LIN9: variants seen among roughly 807,000 people sequenced by gnomAD.
The protein encoded by LIN9 is protein lin-9 homolog.
Under a neutral mutation model 78.0 loss-of-function variants are expected in LIN9, and 18 were observed. The ratio of observed to expected loss-of-function variants is 0.23; its 90% confidence interval spans 0.16 to 0.34. LIN9 has a LOEUF of 0.34. LIN9 is among the 10% of genes least tolerant of loss of function. The pLI is 1.00. For synonymous variants in LIN9, 192 were observed against 215.2 expected (o/e 0.89, Z 0.94); for missense variants, 451 against 644.1 (o/e 0.70, Z 3.25).
intron 10 of LIN9, among the ~76,000 whole-genome samples, chr1:226,258,468 C>CA (rs200742420): frequency 0.064 from 4,731 of 73,678 alleles, 255 homozygotes; most frequent in African/African-American, 0.19. Flanking sequence ...GACTTTGTCT[C>CA]AAAAAAAAAA....
chr1:226,236,779 A>G (rs1419520226), intron 12 of LIN9, among the ~76,000 whole-genome samples: 1 of 152,078 alleles, frequency 6.6e-6, no homozygotes. Context: ...TTTGTTCCAC[A>G]TTGTGTTTGT....
At chr1:226,271,690 T>C (rs1660286026) in intron 7 of LIN9, among the ~76,000 whole-genome samples, 1 of 152,220 alleles carries the variant, frequency 6.6e-6, no homozygotes, top group African/African-American at 2.4e-5. Context: ...TGTTAAAATC[T>C]ACAACTATGA....
chr1:226,243,962 C>A (rs183555753), intron 11 of LIN9, among the ~76,000 whole-genome samples: 65 of 151,332 alleles, frequency 4.3e-4, no homozygotes, highest in African/African-American at 1.5e-3. Context: ...GCAACCTCCA[C>A]CTCCAAGGTT....
intron 6 of LIN9, among the ~76,000 whole-genome samples, chr1:226,278,480 C>T (rs1038427418): frequency 6.6e-6 from 1 of 151,640 alleles, no homozygotes; most frequent in African/African-American, 2.4e-5. Flanking sequence ...TTCATCTCAC[C>T]ACTCCTTTTT....
At chr1:226,248,617 A>T (rs1222060363) in intron 11 of LIN9, among the ~76,000 whole-genome samples, 1 of 152,250 alleles carries the variant, frequency 6.6e-6, no homozygotes, top group African/African-American at 2.4e-5. Context: ...GAAGTTGTTT[A>T]AATTATGGTA....
At chr1:226,304,437 A>G (rs563566513) in intron 1 of LIN9, among the ~76,000 whole-genome samples, 1 of 152,218 alleles carries the variant, frequency 6.6e-6, no homozygotes, top group Non-Finnish European at 1.5e-5. Context: ...GAACAAGACA[A>G]ACAAAGCCTC....
intron 6 of LIN9, among the ~76,000 whole-genome samples, chr1:226,284,122 T>C (rs1208194228): frequency 6.6e-6 from 1 of 152,210 alleles, no homozygotes; most frequent in Non-Finnish European, 1.5e-5. Context: ...TATAGACTAC[T>C]AAACAGTAGT....
intron 9 of LIN9, 132 bp downstream of exon 9, chr1:226,266,076 ATTTAT>A (rs1398208280): frequency 2.5e-5 from 11 of 432,978 alleles, no homozygotes; most frequent in Admixed American, 4.3e-5. Flanking sequence ...TGAAGCAACT[ATTTAT>A]TTTATTTAAT....
chr1:226,278,616 G>A (rs1660818797), intron 6 of LIN9, among the ~76,000 whole-genome samples: 1 of 146,818 alleles, frequency 6.8e-6, no homozygotes, highest in Non-Finnish European at 1.5e-5. Context: ...CTGAGGTCAG[G>A]AGTTCGAGAC....
intron 6 of LIN9, 112 bp downstream of exon 6, chr1:226,286,221 C>A: frequency 8.9e-7 from 1 of 1,123,924 alleles, no homozygotes; most frequent in East Asian, 2.5e-5. Flanking sequence ...CCCTGAACCC[C>A]TGGCCTTAAG....
intron 6 of LIN9, among the ~76,000 whole-genome samples, chr1:226,282,532 G>C (rs1351738773): frequency 2.0e-5 from 3 of 152,202 alleles, no homozygotes; most frequent in Non-Finnish European, 4.4e-5. Context: ...GTTAAAAGCA[G>C]TATCTCGGCC....
At chr1:226,288,114 G>A (rs934108469) in intron 4 of LIN9, among the ~76,000 whole-genome samples, 2 of 152,054 alleles carry the variant, frequency 1.3e-5, no homozygotes, top group African/African-American at 4.8e-5. Context: ...TGGGACTACA[G>A]GCGCACGCCA....
chr1:226,299,238 T>C (rs181849606), intron 2 of LIN9, among the ~76,000 whole-genome samples: 1 of 152,178 alleles, frequency 6.6e-6, no homozygotes, highest in East Asian at 1.9e-4. Context: ...GTGCAGTGGC[T>C]CACATCTGTA....
chr1:226,293,759 T>G (rs949647635), intron 4 of LIN9, among the ~76,000 whole-genome samples: 3 of 152,200 alleles, frequency 2.0e-5, no homozygotes, highest in African/African-American at 4.8e-5. Context: ...CATTTTGCCA[T>G]GTTGGCCAGA....
At chr1:226,294,237 G>C (rs1172759951) in intron 4 of LIN9, among the ~76,000 whole-genome samples, 1 of 147,350 alleles carries the variant, frequency 6.8e-6, no homozygotes, top group Admixed American at 6.9e-5. Context: ...CAGTATGGGA[G>C]GCAGAGATTG....
At chr1:226,287,556 G>A in intron 5 of LIN9, 108 bp downstream of exon 5, 1 of 689,056 alleles carries the variant, frequency 1.5e-6, no homozygotes, top group Non-Finnish European at 2.3e-6. Context: ...TGAATTTAGA[G>A]AAAAATAAGA....
intron 11 of LIN9, among the ~76,000 whole-genome samples, chr1:226,243,331 G>C (rs573082584): frequency 3.4e-4 from 52 of 152,302 alleles, no homozygotes; most frequent in African/African-American, 1.3e-3. Context: ...GGATTGAAGA[G>C]AGTGATCTAT....
intron 10 of LIN9, among the ~76,000 whole-genome samples, chr1:226,255,475 A>G (rs568027375): frequency 1.1e-4 from 16 of 152,322 alleles, no homozygotes; most frequent in Non-Finnish European, 1.9e-4. Context: ...CCAGAGGCTC[A>G]GGCTGACACA....
intron 4 of LIN9, 43 bp from the exon 5 acceptor site, chr1:226,287,840 T>C: frequency 1.4e-6 from 2 of 1,401,044 alleles, no homozygotes; most frequent in Non-Finnish European, 1.9e-6. Context: ...CTCCATTAAG[T>C]AAAAATGAAC....
Sources: allele counts gnomAD v4.1 joint callset (sites outside exome capture counted in the v4.1 genomes callset), GRCh38; gene constraint gnomAD v4.1.1; transcripts MANE v1.5; gene names NCBI Gene and HGNC (gene_info 2026-07-23, HGNC 2026-07-21).